TNS1: variants seen among roughly 807,000 people sequenced by gnomAD.
The protein encoded by TNS1 is tensin 1, also known as tensin-1.
A neutral mutation model predicts 168.6 loss-of-function variants in TNS1; 62 were observed. That is an observed-to-expected ratio of 0.37 (90% confidence interval 0.30 to 0.45). TNS1 has a LOEUF of 0.45. TNS1 is among the 20% of genes least tolerant of loss of function. The pLI is 1.00. For missense variants in TNS1, 2,240 were observed against 2,339.4 expected, an observed-to-expected ratio of 0.96 and a Z score of 0.88; for synonymous variants, 934 against 933.2, an observed-to-expected ratio of 1.00 and a Z score of -0.02.
intron 1 of TNS1, among the ~76,000 whole-genome samples, chr2:218,018,036 A>C (rs1384154633): frequency 6.6e-6 from 1 of 152,210 alleles, no homozygotes; most frequent in African/African-American, 2.4e-5. Context: ...GCTAGAGGAG[A>C]GGTAGAATGG....
At chr2:217,894,035 T>C (rs1472921337) in intron 9 of TNS1, among the ~76,000 whole-genome samples, 1 of 152,180 alleles carries the variant, frequency 6.6e-6, no homozygotes, top group Non-Finnish European at 1.5e-5. Flanking sequence ...CTGATGTTCA[T>C]GACTCTTTTC....
At chr2:217,861,270 C>T (rs1948756252) in intron 18 of TNS1, among the ~76,000 whole-genome samples, 1 of 152,190 alleles carries the variant, frequency 6.6e-6, no homozygotes, top group Admixed American at 6.5e-5. Context: ...CAATCGCCCC[C>T]TCGCTAGAGC....
At chr2:217,954,961 C>T (rs1957325775) in intron 3 of TNS1, among the ~76,000 whole-genome samples, 1 of 152,164 alleles carries the variant, frequency 6.6e-6, no homozygotes, top group African/African-American at 2.4e-5. Flanking sequence ...GATCCATGCA[C>T]ACACTTCCGT....
exon 1 of TNS1, chr2:218,010,304 C>T: frequency 2.5e-6 from 1 of 397,040 alleles, no homozygotes; most frequent in Non-Finnish European, 4.4e-6. Flanking sequence ...GGGCGCCCTG[C>T]CCTACCCTGT....
intron 23 of TNS1, among the ~76,000 whole-genome samples, chr2:217,820,513 G>A (rs549175022): frequency 1.1e-4 from 17 of 152,240 alleles, no homozygotes; most frequent in African/African-American, 3.9e-4. Context: ...GCTCAGCATT[G>A]AGCCAATGTA....
At chr2:217,817,041 GA>G (rs1471099043) in intron 24 of TNS1, among the ~76,000 whole-genome samples, 3 of 152,224 alleles carry the variant, frequency 2.0e-5, no homozygotes, top group Non-Finnish European at 4.4e-5. Flanking sequence ...GAGTTTCGAT[GA>G]AGTTGGGTCT....
intron 4 of TNS1, among the ~76,000 whole-genome samples, chr2:217,912,129 T>C (rs900405543): frequency 6.6e-6 from 1 of 152,230 alleles, no homozygotes; most frequent in Admixed American, 6.5e-5. Context: ...AGGAGGGGCC[T>C]TTCTGCTGGA....
chr2:217,996,492 C>T (rs571113732), intron 1 of TNS1, among the ~76,000 whole-genome samples: 1 of 152,212 alleles, frequency 6.6e-6, no homozygotes, highest in East Asian at 1.9e-4. Context: ...CACCTTTACA[C>T]ACACAAATCC....
chr2:217,903,731 G>T, intron 6 of TNS1: 1 of 854,402 alleles, frequency 1.2e-6, no homozygotes, highest in Non-Finnish European at 1.8e-6. Flanking sequence ...CATCCTTCCT[G>T]CTGCAGATTC....
At chr2:217,859,437 A>G in intron 18 of TNS1, 1 of 525,334 alleles carries the variant, frequency 1.9e-6, no homozygotes, top group Non-Finnish European at 3.4e-6. Flanking sequence ...AAAAGAAAAA[A>G]CCCCACAGGG....
chr2:217,967,947 T>C (rs1347202415), intron 3 of TNS1, among the ~76,000 whole-genome samples: 2 of 152,218 alleles, frequency 1.3e-5, no homozygotes, highest in Non-Finnish European at 2.9e-5. Flanking sequence ...AAGAGAATTA[T>C]ACACCATGAC....
intron 3 of TNS1, among the ~76,000 whole-genome samples, chr2:217,958,003 TCACACA>T (rs57381974): frequency 1.4e-5 from 2 of 145,738 alleles, no homozygotes; most frequent in South Asian, 2.2e-4. Context: ...AATAAAGAAT[TCACACA>T]CACACACACA....
chr2:218,027,721 G>A (rs1288174046), intron 1 of TNS1, among the ~76,000 whole-genome samples: 1 of 152,212 alleles, frequency 6.6e-6, no homozygotes, highest in Admixed American at 6.5e-5. Context: ...GACGGTGGGA[G>A]TGGAGGGTGG....
intron 1 of TNS1, among the ~76,000 whole-genome samples, chr2:218,022,977 C>A (rs1427088832): frequency 6.6e-6 from 1 of 152,224 alleles, no homozygotes; most frequent in Non-Finnish European, 1.5e-5. Context: ...CCCACCCCAA[C>A]CTCAAAGAAG....
At chr2:217,991,184 A>G (rs1958357449) in intron 1 of TNS1, 128 bp from the exon 2 acceptor site, 1 of 450,414 alleles carries the variant, frequency 2.2e-6, no homozygotes, top group Non-Finnish European at 4.0e-6. Context: ...CAGGGTCCAG[A>G]GGAGGGAGGA....
At chr2:217,902,659 A>G (rs552735793) in intron 6 of TNS1, among the ~76,000 whole-genome samples, 8 of 152,222 alleles carry the variant, frequency 5.3e-5, no homozygotes, top group Non-Finnish European at 1.0e-4. Context: ...TGGCCCAAAC[A>G]GAGTCTGGCC....
At chr2:217,968,735 C>G (rs1224715026) in intron 3 of TNS1, among the ~76,000 whole-genome samples, 1 of 152,158 alleles carries the variant, frequency 6.6e-6, no homozygotes, top group African/African-American at 2.4e-5. Context: ...CACTCTGTCA[C>G]CCAGGCTGGA....
intron 1 of TNS1, among the ~76,000 whole-genome samples, chr2:217,997,111 C>A (rs554856119): frequency 2.4e-4 from 36 of 152,264 alleles, no homozygotes; most frequent in African/African-American, 7.9e-4. Flanking sequence ...CAAACCTCAT[C>A]CCCTCAGCAG....
chr2:217,971,244 C>T lies in TNS1; in HGVS notation c.186+7521G>A, dbSNP rs183248942. 2.7e-3 allele frequency among the ~76,000 whole-genome samples: 414 copies of T among 152,358 alleles called. 2 individuals carry two copies. The highest frequency in any genetic ancestry group is 9.1e-3 in the African/African-American group (380 of 41,592). ...ACCTTTGCAGCCAATCTCCCCACCA[C>T]TCCCAACTCCAGGTAACTACTAATC... On this transcript the variant is annotated intron_variant, in intron 3 of 32. Transcript: ENST00000682258.
Sources: allele counts gnomAD v4.1 joint callset (sites outside exome capture counted in the v4.1 genomes callset), GRCh38; gene constraint gnomAD v4.1.1; transcripts MANE v1.5; gene names NCBI Gene and HGNC (gene_info 2026-07-23, HGNC 2026-07-21).